The following NGLY1 variants were observed in gnomAD, a reference collection of about 807,000 sequenced individuals.
The protein encoded by NGLY1 is peptide-N(4)-(N-acetyl-beta-glucosaminyl)asparagine amidase.
A neutral mutation model predicts 84.6 loss-of-function variants in NGLY1; 68 were observed. The observed-to-expected ratio is 0.80, with a 90% CI of 0.66 to 0.98. The LOEUF is 0.98. Among genes scored for constraint, NGLY1 ranks in the 50% least tolerant of loss-of-function variants. NGLY1 has a pLI of 0.00. For synonymous variants in NGLY1, 280 were observed against 275.2 expected (o/e 1.02, Z -0.17); for missense variants, 779 against 770.2 (o/e 1.01, Z -0.14).
intron 10 of NGLY1, among the ~76,000 whole-genome samples, chr3:25,727,494 G>A (rs1380421167): frequency 1.3e-5 from 2 of 152,088 alleles, no homozygotes; most frequent in African/African-American, 4.8e-5. Flanking sequence ...CTCAAATGTC[G>A]TCTGCTCAGT....
chr3:25,770,839 T>C (rs1165203865), intron 2 of NGLY1, among the ~76,000 whole-genome samples: 1 of 152,250 alleles, frequency 6.6e-6, no homozygotes, highest in Non-Finnish European at 1.5e-5. Flanking sequence ...TTATTGGCCA[T>C]TTGTATATCT....
At chr3:25,736,263 T>C (rs1705815414) in intron 6 of NGLY1, 114 bp from the exon 7 acceptor site, 1 of 1,551,042 alleles carries the variant, frequency 6.4e-7, no homozygotes, top group Non-Finnish European at 8.7e-7. Context: ...ATATTCTGAA[T>C]TTCAGTTAAT....
At position 25,783,318 on chromosome 3, in the gene NGLY1, G is replaced by A. The variant is rs985686751; in HGVS notation, c.73C>T (p.Pro25Ser). 3.1e-6 allele frequency: 5 copies of A among 1,602,808 alleles called. No individual in the cohort carries two copies. The highest frequency in any genetic ancestry group is 4.3e-6 in the Non-Finnish European group (5 of 1,175,608). Residue 25 changes from proline (P) to serine (S), a missense_variant, in exon 1 of 12, where the codon CCG (proline) becomes TCG (serine). Physicochemically the swap from Pro to Ser is moderately conservative, Grantham distance 74 (BLOSUM62 -1). Transcript: ENST00000280700. This position sits in a 1 kb window ranked among gnomAD's most constrained non-coding sequence, Gnocchi z 4.5. ...TTGGAGGCCTCCAAAAAGGTCTCCG[G>A]GGTGTTCTGGCAGAGCTCAGCCACG... is the stretch of plus-strand genomic sequence containing the variant. ...PAVAELCQNT[P>S]ETFLEASKLL... is the part of the protein sequence containing the mutation.
intron 7 of NGLY1, 108 bp from the exon 8 acceptor site, chr3:25,734,090 G>A (rs1311860275): frequency 4.8e-6 from 7 of 1,445,336 alleles, no homozygotes; most frequent in South Asian, 1.3e-5. Flanking sequence ...TTTTGGAGAC[G>A]AAGTCTCGCT....
chr3:25,736,270 T>C, intron 6 of NGLY1, 121 bp from the exon 7 acceptor site: 1 of 1,550,812 alleles, frequency 6.4e-7, no homozygotes, highest in African/African-American at 1.4e-5. Flanking sequence ...GAATTTCAGT[T>C]AATAAGTGCA....
At chr3:25,763,818 G>C (rs1486242696) in intron 3 of NGLY1, among the ~76,000 whole-genome samples, 2 of 152,124 alleles carry the variant, frequency 1.3e-5, no homozygotes, top group Non-Finnish European at 2.9e-5. Flanking sequence ...ATTGATAATG[G>C]TTGTGCTGTT....
chr3:25,746,264 T>C (rs777763536), intron 4 of NGLY1, among the ~76,000 whole-genome samples: 133 of 152,344 alleles, frequency 8.7e-4, no homozygotes, highest in Non-Finnish European at 1.5e-3. Flanking sequence ...AGTATGTATT[T>C]TGACATATTT....
intron 1 of NGLY1, among the ~76,000 whole-genome samples, chr3:25,779,067 C>G (rs926964729): frequency 8.0e-5 from 12 of 150,836 alleles, no homozygotes; most frequent in African/African-American, 2.9e-4. Context: ...TCCCAAGTAG[C>G]TAGGATTACA....
chr3:25,776,870 T>C (rs896392733), intron 2 of NGLY1, among the ~76,000 whole-genome samples: 1 of 152,188 alleles, frequency 6.6e-6, no homozygotes, highest in Non-Finnish European at 1.5e-5. Context: ...ATTGAGTACC[T>C]AACATCTGTA....
intron 1 of NGLY1, chr3:25,789,633 G>A (rs1559566712): frequency 1.7e-6 from 1 of 590,088 alleles, no homozygotes; most frequent in Non-Finnish European, 3.0e-6. Flanking sequence ...TGTACCACAA[G>A]ATACACAACA....
At chr3:25,742,883 G>GAAA (rs1706222738) in intron 4 of NGLY1, among the ~76,000 whole-genome samples, 1 of 64,990 alleles carries the variant, frequency 1.5e-5, no homozygotes, top group African/African-American at 7.7e-5. Context: ...ACCTTATGTG[G>GAAA]CAAAAAAAAA....
chr3:25,788,429 T>C (rs1473384580), upstream of NGLY1, among the ~76,000 whole-genome samples: 1 of 152,208 alleles, frequency 6.6e-6, no homozygotes, highest in Non-Finnish European at 1.5e-5. Context: ...GATGGAATTG[T>C]AGCAGGAAAT....
At chr3:25,735,742 A>G in intron 7 of NGLY1, 2 of 304,770 alleles carry the variant, frequency 6.6e-6, no homozygotes, top group South Asian at 5.8e-5. Context: ...CTGAGTGTTC[A>G]TGGCAGCTTA....
In NGLY1 at chr3:25,764,098, C is replaced by T. The variant is rs773019915; in HGVS notation, c.460G>A (p.Gly154Arg). The T allele has an allele frequency of 3.7e-6, 6 of 1,614,144 alleles. No individual in the cohort carries two copies. The Admixed American group carries it at 5.0e-5, about 13-fold the overall frequency. ...GCAGATGGTGGATCTGATGACTGCC[C>T]TTGACGGTTCCTTGTGTGCTGGTTT... Reference protein sequence around the residue: ...GLNQHTRNRQGQSSDPPSAST... With the variant: ...GLNQHTRNRQRQSSDPPSAST... The change falls in exon 3 of 12, where the codon GGG (glycine) becomes AGG (arginine). Residue 154 changes from glycine (G) to arginine (R), a missense_variant. By Grantham distance (125) the Gly-to-Arg change is moderately radical (BLOSUM62 -2). Coordinates refer to ENST00000280700, the MANE Select transcript of NGLY1 (RefSeq NM_018297.4).
chr3:25,719,631 G>A lies in NGLY1; in HGVS notation c.1794C>T (p.Asn598=), dbSNP rs1575603526. The change falls in exon 12 of 12, where the codon AAC becomes AAT. Residue 598 remains asparagine, a synonymous_variant. Transcript: ENST00000280700. ...AAAAATCAGCATAGGAGTGAAGACTGTTATCTGTTAGAGGGAAAAAAAAAA... is the reference window on the plus strand; with the variant it reads ...AAAAATCAGCATAGGAGTGAAGACTATTATCTGTTAGAGGGAAAAAAAAAA... ...DTAQVELTGD[N]SLHSYADFSG... is the part of the protein sequence containing the mutation. 8.1e-6 allele frequency: 13 copies of A among 1,608,218 alleles called. No homozygotes were observed. Among genetic ancestry groups the A allele is most frequent in the African/African-American group, 2.7e-5 (2 of 74,670 alleles).
At chr3:25,774,327 T>C (rs750255817) in intron 2 of NGLY1, among the ~76,000 whole-genome samples, 1 of 152,122 alleles carries the variant, frequency 6.6e-6, no homozygotes, top group Non-Finnish European at 1.5e-5. Context: ...GTTGCCTGCA[T>C]AAGTATTTGG....
chr3:25,783,366 A>T lies in NGLY1; in HGVS notation c.25T>A (p.Ser9Thr), dbSNP rs748917973. 43 of 1,556,580 alleles carry T rather than the reference A, an allele frequency of 2.8e-5. No individual in the cohort carries two copies. In the Middle Eastern group the frequency reaches 6.3e-4, roughly 23 times the overall value. The change falls in exon 1 of 12, where the codon TCC becomes ACC. Residue 9 changes from serine (S) to threonine (T), a missense_variant. By Grantham distance (58) the Ser-to-Thr change is moderately conservative. Coordinates refer to ENST00000280700, the MANE Select transcript of NGLY1 (RefSeq NM_018297.4). The surrounding 1 kb of genome is among the most constrained non-coding windows in gnomAD (Gnocchi z 4.5). MAAAALGS[S>T]SGSASPAVAE... The stretch of plus-strand genomic sequence containing the variant: ...ACGGCCGGGGACGCCGAGCCTGAGG[A>T]GCTGCCCAATGCCGCCGCCGCCATG...
chr3:25,788,164 G>T (rs1050137333), upstream of NGLY1, among the ~76,000 whole-genome samples: 4 of 152,140 alleles, frequency 2.6e-5, no homozygotes, highest in Admixed American at 2.6e-4. Flanking sequence ...CAAACTTCAA[G>T]CATTGATAGG....
chr3:25,779,738 A>T (rs1708324079), intron 1 of NGLY1, among the ~76,000 whole-genome samples: 1 of 152,260 alleles, frequency 6.6e-6, no homozygotes, highest in Admixed American at 6.5e-5. Flanking sequence ...AAGTTTTAAC[A>T]AATTTTGCAT....
Sources: allele counts gnomAD v4.1 joint callset (sites outside exome capture counted in the v4.1 genomes callset), GRCh38; gene constraint gnomAD v4.1.1; non-coding constraint Gnocchi (gnomAD v3.1); transcripts MANE v1.5; gene names NCBI Gene and HGNC (gene_info 2026-07-23, HGNC 2026-07-21).